Variants in TRIM45 observed in about 807,000 individuals in gnomAD.
TRIM45 encodes E3 ubiquitin-protein ligase TRIM45.
A neutral mutation model predicts 46.7 loss-of-function variants in TRIM45; 45 were observed. That is an observed-to-expected ratio of 0.96 (90% confidence interval 0.76 to 1.24). The LOEUF is 1.24. TRIM45 is among the 50% of genes most tolerant of loss of function. TRIM45 has a pLI of 0.00. For missense variants in TRIM45, 680 were observed against 728.4 expected, an observed-to-expected ratio of 0.93 and a Z score of 0.77; for synonymous variants, 259 against 285.8, an observed-to-expected ratio of 0.91 and a Z score of 0.94.
At chr1:117,112,547 G>T in intron 5 of TRIM45, 94 bp from the exon 6 acceptor site, 1 of 1,213,728 alleles carries the variant, frequency 8.2e-7, no homozygotes, top group Non-Finnish European at 1.1e-6. Flanking sequence ...CTGGCAACAT[G>T]CAGATTCATG....
chr1:117,117,895 G>GA lies in TRIM45; in HGVS notation c.1222+138_1222+139insT. On this transcript the variant is annotated intron_variant, in intron 2 of 5. Transcript: ENST00000256649. This position sits in a 1 kb window ranked among gnomAD's most constrained non-coding sequence, Gnocchi z 4.9. ...AGAAAGGGCAAAGGTGGGGGTCACT[G>GA]TCTTTCAGATCAGTTTATCTCCCCA... The GA allele has an allele frequency of 8.7e-7, 1 of 1,146,284 alleles. No homozygotes were observed. The highest frequency in any genetic ancestry group is 1.2e-6 in the Non-Finnish European group (1 of 807,678). The allele number at this position is 1,146,284 out of a possible 1,614,324, so 71.0% of individuals were successfully genotyped here. A position where few individuals can be genotyped will look rare whatever the true frequency, so the allele number is the denominator to read the frequency against.
upstream of TRIM45, among the ~76,000 whole-genome samples, chr1:117,123,641 T>C (rs933632017): frequency 1.3e-5 from 2 of 152,062 alleles, no homozygotes; most frequent in African/African-American, 4.8e-5. Context: ...TTTTTTTTCT[T>C]TTTTTGAGAT....
chr1:117,120,891 G>C lies in TRIM45; in HGVS notation c.311C>G (p.Pro104Arg). 6.2e-7 allele frequency: 1 copy of C among 1,614,142 alleles called. No individual in the cohort carries two copies. The highest frequency in any genetic ancestry group is 8.5e-7 in the Non-Finnish European group (1 of 1,180,024). ...GGTTAAAGCCTTCACTCCACCCATGGGCAGGTCCACCTGAGCATCACATAC... is the reference window on the plus strand; with the variant it reads ...GGTTAAAGCCTTCACTCCACCCATGCGCAGGTCCACCTGAGCATCACATAC... The part of the protein sequence containing the change: ...CPVCDAQVDL[P>R]MGGVKALTID... Residue 104 changes from proline to arginine, a missense_variant, in exon 1 of 6, where the codon CCC (proline) becomes CGC (arginine). By Grantham distance (103) the Pro-to-Arg change is moderately radical. Around this residue, in one of 3 missense-constraint regions of TRIM45, gnomAD observed 349 missense variants for 343.6 expected, o/e 1.02. Transcript: ENST00000256649.
At position 117,117,613 on chromosome 1, in the gene TRIM45, T is replaced by G. The variant is rs912580937; in HGVS notation, c.1222+421A>C. Reference sequence around the variant, plus strand: ...GGGCCTAAAGGAAAGGAAACCGTAATCTCATCTTCCTCATTCCTCTGAAAC... The same window carrying G: ...GGGCCTAAAGGAAAGGAAACCGTAAGCTCATCTTCCTCATTCCTCTGAAAC... On this transcript the variant is annotated intron_variant, in intron 2 of 5. Transcript: ENST00000256649. This position sits in a 1 kb window ranked among gnomAD's most constrained non-coding sequence, Gnocchi z 4.9. Among the ~76,000 whole-genome samples, 31 of 152,212 alleles carry G rather than the reference T, an allele frequency of 2.0e-4. No homozygotes were observed. Among genetic ancestry groups the G allele is most frequent in the Admixed American group, 1.3e-3 (20 of 15,280 alleles).
At chr1:117,119,991 T>G (rs555820296) in intron 1 of TRIM45, among the ~76,000 whole-genome samples, 1 of 152,196 alleles carries the variant, frequency 6.6e-6, no homozygotes, top group African/African-American at 2.4e-5. Context: ...CATTTTATAT[T>G]CTGGTGTCCT....
At position 117,120,753 on chromosome 1, in the gene TRIM45, C is replaced by T. The variant is rs1257482141; in HGVS notation, c.449G>A (p.Cys150Tyr). Residue 150 changes from cysteine to tyrosine, a missense_variant, in exon 1 of 6, where the codon TGC becomes TAC. This residue lies in a region of TRIM45 where 349 missense variants were observed against 343.6 expected (regional missense o/e 1.02). Transcript: ENST00000256649. ...GCAGAAGTGGCAGAGGTTGGCTTTGCAGGTCTGACACCTCTTCTCTACTTC... is the reference window on the plus strand; with the variant it reads ...GCAGAAGTGGCAGAGGTTGGCTTTGTAGGTCTGACACCTCTTCTCTACTTC... Reference protein sequence around the residue: ...DREVEKRCQTCKANLCHFCCQ... With the variant: ...DREVEKRCQTYKANLCHFCCQ... The T allele has an allele frequency of 1.2e-6, 2 of 1,612,818 alleles. No homozygotes were observed. Among genetic ancestry groups the T allele is most frequent in the Non-Finnish European group, 1.7e-6 (2 of 1,179,184 alleles).
intron 1 of TRIM45, 59 bp downstream of exon 1, chr1:117,120,655 C>T: frequency 6.5e-7 from 1 of 1,528,858 alleles, no homozygotes; most frequent in South Asian, 1.3e-5. Context: ...AGGGATTTGT[C>T]TTGACACCTC....
chr1:117,118,611 C>T lies in TRIM45; in HGVS notation c.645G>A (p.Val215=), dbSNP rs1650502111. ...FCDRPVCQDC[V]VGEHREHPCD... ...AGGGGTGTTCCCGATGCTCCCCCAC[C>T]ACACAATCCTGGCACACGGGCCGGT... The change falls in exon 2 of 6, where the codon GTG becomes GTA. Residue 215 remains valine (V), a synonymous_variant. Coordinates refer to ENST00000256649, the MANE Select transcript of TRIM45 (RefSeq NM_025188.4). This position sits in a 1 kb window ranked among gnomAD's most constrained non-coding sequence, Gnocchi z 5.7. 1 of 1,614,112 alleles carries T rather than the reference C, an allele frequency of 6.2e-7. No homozygotes were observed. The highest frequency in any genetic ancestry group is 8.5e-7 in the Non-Finnish European group (1 of 1,180,028).
chr1:117,116,177 G>GT lies in TRIM45; in HGVS notation c.1352+438dup, dbSNP rs1650390341. On this transcript the variant is annotated intron_variant, in intron 3 of 5. Transcript: ENST00000256649. This position sits in a 1 kb window ranked among gnomAD's most constrained non-coding sequence, Gnocchi z 4.6. ...CACACAAGAAAACACATTTGGTCAC[G>GT]TAACGTTTCATAGTATTATGGGGAG... Among the ~76,000 whole-genome samples, 1 of 151,986 alleles carries GT rather than the reference G, an allele frequency of 6.6e-6. No individual in the cohort carries two copies.
At chr1:117,119,029 T>C (rs1020486881) in intron 1 of TRIM45, among the ~76,000 whole-genome samples, 3 of 152,196 alleles carry the variant, frequency 2.0e-5, no homozygotes, top group African/African-American at 7.2e-5. Flanking sequence ...ATGCAGAAGG[T>C]TGCAAGACTA....
At position 117,117,520 on chromosome 1, in the gene TRIM45, T is replaced by C. The variant is rs984791803; in HGVS notation, c.1222+514A>G. ...AACACTCGTTAAAAAAAACCATTTT[T>C]TCCCCCAATTAAATGAAACACCTAC... On this transcript the variant is annotated intron_variant, in intron 2 of 5. Coordinates refer to ENST00000256649, the MANE Select transcript of TRIM45 (RefSeq NM_025188.4). The surrounding 1 kb of genome is among the most constrained non-coding windows in gnomAD (Gnocchi z 4.9). Among the ~76,000 whole-genome samples the C allele has an allele frequency of 6.6e-6, 1 of 152,180 alleles. No individual in the cohort carries two copies. Among genetic ancestry groups the C allele is most frequent in the Admixed American group, 6.5e-5 (1 of 15,278 alleles).
chr1:117,120,566 G>C, intron 1 of TRIM45, 148 bp downstream of exon 1: 1 of 1,105,128 alleles, frequency 9.0e-7, no homozygotes, highest in Non-Finnish European at 1.3e-6. Flanking sequence ...TTGTACTGGA[G>C]TATTTGCTAT....
chr1:117,113,027 T>C lies in TRIM45; in HGVS notation c.1594+332A>G, dbSNP rs193208356. Among the ~76,000 whole-genome samples the C allele has an allele frequency of 1.3e-5, 2 of 152,278 alleles. No individual in the cohort carries two copies. The highest frequency in any genetic ancestry group is 3.9e-4 in the East Asian group (2 of 5,170). On this transcript the variant is annotated intron_variant, in intron 5 of 5. Coordinates refer to ENST00000256649, the MANE Select transcript of TRIM45 (RefSeq NM_025188.4). This position sits in a 1 kb window ranked among gnomAD's most constrained non-coding sequence, Gnocchi z 4.0. ...TGCCTCATTTGGAATTTATTTAAGG[T>C]TCTAAAAGGAATAAGATGGGTCCAT... is the stretch of plus-strand genomic sequence containing the variant.
Position 117,116,309 on chromosome 1 carries a change from C to G in TRIM45, c.1352+307G>C, listed in dbSNP as rs1253558320. Among the ~76,000 whole-genome samples, 1 of 151,860 alleles carries G rather than the reference C, an allele frequency of 6.6e-6. No individual in the cohort carries two copies. The highest frequency in any genetic ancestry group is 6.6e-5 in the Admixed American group (1 of 15,252). On this transcript the variant is annotated intron_variant, in intron 3 of 5. Coordinates refer to ENST00000256649, the MANE Select transcript of TRIM45 (RefSeq NM_025188.4). This position sits in a 1 kb window ranked among gnomAD's most constrained non-coding sequence, Gnocchi z 4.6. ...AGTGCACTGGCACAATCACAGCTCA[C>G]TGCAACCTCGACCTCCTGGGCTCAA...
chr1:117,120,725 G>C lies in TRIM45; in HGVS notation c.477C>G (p.Cys159Trp). 1.2e-5 allele frequency: 20 copies of C among 1,605,834 alleles called. No individual in the cohort carries two copies. The highest frequency in any genetic ancestry group is 1.7e-5 in the Non-Finnish European group (20 of 1,175,100). The change falls in exon 1 of 6, where the codon TGC (cysteine) becomes TGG (tryptophan). Residue 159 changes from cysteine (C) to tryptophan (W), a missense_variant. Physicochemically the swap from Cys to Trp is radical, Grantham distance 215. Transcript: ENST00000256649. The part of the protein sequence containing the change: ...TCKANLCHFC[C>W]QAHRRQKKTT... ...TGTCCCATCTTTACCTATGAGCCTG[G>C]CAGCAGAAGTGGCAGAGGTTGGCTT...
rs201084331 is a variant in TRIM45 at position 117,118,711 on chromosome 1, T to C, written c.545A>G (p.Tyr182Cys). The change falls in exon 2 of 6, where the codon TAC becomes TGC. Residue 182 changes from tyrosine to cysteine, a missense_variant. Physicochemically the swap from Tyr to Cys is radical, Grantham distance 194. Coordinates refer to ENST00000256649, the MANE Select transcript of TRIM45 (RefSeq NM_025188.4). This position sits in a 1 kb window ranked among gnomAD's most constrained non-coding sequence, Gnocchi z 5.7. Reference sequence around the variant, plus strand: ...CAGGATGGGCTTCCCAATCCGGCTGTAGCCTTTCAAGTCTTTTAGGTCCAC... The same window carrying C: ...CAGGATGGGCTTCCCAATCCGGCTGCAGCCTTTCAAGTCTTTTAGGTCCAC... ...TMVDLKDLKG[Y>C]SRIGKPILCP... is the part of the protein sequence containing the mutation. 5.0e-5 allele frequency: 80 copies of C among 1,613,692 alleles called. No homozygotes were observed. The highest frequency in any genetic ancestry group is 2.2e-5 in the South Asian group (2 of 91,086).
Position 117,112,470 on chromosome 1 carries a change from G to A in TRIM45, c.1595-17C>T. The A allele has an allele frequency of 6.3e-7, 1 of 1,594,630 alleles. No individual in the cohort carries two copies. The highest frequency in any genetic ancestry group is 1.1e-5 in the South Asian group (1 of 87,998). On this transcript the variant is annotated splice_polypyrimidine_tract_variant and intron_variant, in intron 5 of 5. Coordinates refer to ENST00000256649, the MANE Select transcript of TRIM45 (RefSeq NM_025188.4). ...GGTACCCACCTACATGGGACAAAGA[G>A]GAAAGGACAAAAATCAACCATTAGC... is the stretch of plus-strand genomic sequence containing the variant.
At position 117,113,360 on chromosome 1, in the gene TRIM45, T is replaced by C; in HGVS notation, c.1593A>G (p.Pro531=). The change falls in exon 5 of 6, where the codon CCA becomes CCG. Residue 531 remains proline (P), a splice_region_variant and synonymous_variant. Coordinates refer to ENST00000256649, the MANE Select transcript of TRIM45 (RefSeq NM_025188.4). The surrounding 1 kb of genome is among the most constrained non-coding windows in gnomAD (Gnocchi z 4.0). The part of the protein sequence containing the change: ...TARCACGGTM[P]GGYLGCGHGH... ...CAGAGGGTAGTGCTTTCTCCTTACC[T>C]GGCATGGTGCCTCCACAGGCGCAGC... 6.2e-7 allele frequency: 1 copy of C among 1,612,028 alleles called. No individual in the cohort carries two copies. The highest frequency in any genetic ancestry group is 2.2e-5 in the East Asian group (1 of 44,878).
chr1:117,114,963 C>A (rs1334163901), intron 4 of TRIM45, among the ~76,000 whole-genome samples: 1 of 152,166 alleles, frequency 6.6e-6, no homozygotes, highest in Non-Finnish European at 1.5e-5. Context: ...GTTAGTATCA[C>A]CCAATTTTTA....
Sources: allele counts gnomAD v4.1 joint callset (sites outside exome capture counted in the v4.1 genomes callset), GRCh38; gene constraint gnomAD v4.1.1; regional missense constraint gnomAD v4.1.1; non-coding constraint Gnocchi (gnomAD v3.1); transcripts MANE v1.5; gene names NCBI Gene and HGNC (gene_info 2026-07-23, HGNC 2026-07-21).